Variants in SPATS2 observed in about 807,000 individuals in gnomAD.
The protein encoded by SPATS2 is spermatogenesis associated serine rich 2.
In SPATS2, 38 loss-of-function variants were observed where a neutral mutation model predicts 63.7. That is an observed-to-expected ratio of 0.60 (90% confidence interval 0.46 to 0.78). The LOEUF is 0.78. Among genes scored for constraint, SPATS2 ranks in the 30% least tolerant of loss-of-function variants. SPATS2 has a pLI of 0.00. For missense variants in SPATS2, 588 were observed against 666.2 expected (o/e 0.88, Z 1.29); for synonymous variants, 207 against 232.9 (o/e 0.89, Z 1.01).
chr12:49,386,835 T>G (rs758848258), intron 2 of SPATS2, among the ~76,000 whole-genome samples: 38 of 151,992 alleles, frequency 2.5e-4, no homozygotes, highest in Non-Finnish European at 5.3e-4. Flanking sequence ...ATTGATATTG[T>G]GAAAGCATGA....
At chr12:49,411,927 T>C (rs1054828634) in intron 2 of SPATS2, among the ~76,000 whole-genome samples, 1 of 152,154 alleles carries the variant, frequency 6.6e-6, no homozygotes, top group Non-Finnish European at 1.5e-5. Flanking sequence ...GAAAATCAAA[T>C]TCCATTTTTT....
chr12:49,509,150 G>A (rs1946702236), intron 9 of SPATS2, among the ~76,000 whole-genome samples: 1 of 151,826 alleles, frequency 6.6e-6, no homozygotes, highest in Admixed American at 6.6e-5. Context: ...TCATCATTGA[G>A]TCACATGATC....
chr12:49,385,535 C>G (rs1334080259), intron 2 of SPATS2, among the ~76,000 whole-genome samples: 2 of 152,082 alleles, frequency 1.3e-5, no homozygotes, highest in African/African-American at 2.4e-5. Flanking sequence ...TCTCCAATTC[C>G]TATTGATTTA....
At chr12:49,484,696 A>G (rs947802537) in intron 4 of SPATS2, 27 bp downstream of exon 4, 3 of 1,605,314 alleles carry the variant, frequency 1.9e-6, no homozygotes, top group Non-Finnish European at 8.5e-7. Flanking sequence ...TGGATAGTAA[A>G]CTTAAATGTC....
chr12:49,382,968 C>T (rs2137198596), intron 2 of SPATS2, among the ~76,000 whole-genome samples: 1 of 151,236 alleles, frequency 6.6e-6, no homozygotes, highest in Non-Finnish European at 1.5e-5. Context: ...GCCTTTCAAA[C>T]TGCTGGGATT....
At chr12:49,476,002 G>A (rs1946111125) in intron 3 of SPATS2, among the ~76,000 whole-genome samples, 1 of 152,232 alleles carries the variant, frequency 6.6e-6, no homozygotes, top group African/African-American at 2.4e-5. Flanking sequence ...GGGTGGAAGG[G>A]CATGGTCCCT....
At chr12:49,449,696 G>A (rs936599173) in intron 2 of SPATS2, among the ~76,000 whole-genome samples, 2 of 152,218 alleles carry the variant, frequency 1.3e-5, no homozygotes, top group African/African-American at 2.4e-5. Flanking sequence ...AAGCAGGCAA[G>A]AAAGTTTGTG....
intron 3 of SPATS2, among the ~76,000 whole-genome samples, chr12:49,482,114 G>A (rs1309929947): frequency 6.6e-6 from 1 of 152,220 alleles, no homozygotes; most frequent in Non-Finnish European, 1.5e-5. Flanking sequence ...AGTTTAAAAA[G>A]GCAGTATCAG....
chr12:49,487,493 A>T (rs76166698), intron 4 of SPATS2, among the ~76,000 whole-genome samples: 13,966 of 152,202 alleles, frequency 0.092, 756 homozygotes, highest in African/African-American at 0.14. Flanking sequence ...TCCAAAAAAT[A>T]AAAAAACGGT....
intron 2 of SPATS2, among the ~76,000 whole-genome samples, chr12:49,425,636 TTC>T (rs1418663243): frequency 6.7e-6 from 1 of 148,902 alleles, no homozygotes; most frequent in Non-Finnish European, 1.5e-5. Context: ...GTGTTAATAT[TTC>T]TGTCTTTTTT....
intron 2 of SPATS2, among the ~76,000 whole-genome samples, chr12:49,438,415 C>A (rs1319622951): frequency 6.6e-6 from 1 of 152,102 alleles, no homozygotes; most frequent in African/African-American, 2.4e-5. Flanking sequence ...TTATTTGTAG[C>A]CATATGTACT....
intron 2 of SPATS2, among the ~76,000 whole-genome samples, chr12:49,399,139 C>G (rs562455097): frequency 6.6e-6 from 1 of 151,930 alleles, no homozygotes; most frequent in African/African-American, 2.4e-5. Context: ...ATTTTTTTCT[C>G]AAAGAGCATA....
chr12:49,471,439 C>T (rs1043433951), intron 3 of SPATS2, among the ~76,000 whole-genome samples: 1 of 152,158 alleles, frequency 6.6e-6, no homozygotes, highest in Non-Finnish European at 1.5e-5. Context: ...TGAGCTCAAG[C>T]GATCATCCTG....
chr12:49,374,058 C>G (rs1944049135), intron 2 of SPATS2, among the ~76,000 whole-genome samples: 2 of 151,344 alleles, frequency 1.3e-5, no homozygotes, highest in South Asian at 4.2e-4. Context: ...TGCACTCCAA[C>G]CTAAACAACA....
intron 2 of SPATS2, among the ~76,000 whole-genome samples, chr12:49,455,093 TG>T (rs1945695897): frequency 6.6e-6 from 1 of 152,168 alleles, no homozygotes; most frequent in South Asian, 2.1e-4. Flanking sequence ...TTTTTGGTTT[TG>T]TTTTTTTAAT....
intron 11 of SPATS2, 74 bp from the exon 12 acceptor site, chr12:49,522,677 A>G (rs1946961171): frequency 1.7e-6 from 2 of 1,208,124 alleles, no homozygotes; most frequent in South Asian, 1.4e-5. Context: ...TGATTGTTTA[A>G]TCTGTATAGC....
intron 3 of SPATS2, chr12:49,462,495 T>TC (rs761309411): frequency 2.4e-5 from 17 of 698,496 alleles, no homozygotes; most frequent in South Asian, 2.1e-4. Context: ...GTGGGCCCTT[T>TC]CCCCCCGTGT....
chr12:49,513,879 G>T (rs139359448), intron 9 of SPATS2, among the ~76,000 whole-genome samples: 1 of 152,090 alleles, frequency 6.6e-6, no homozygotes, highest in Non-Finnish European at 1.5e-5. Flanking sequence ...AGTACAGGCC[G>T]GGCGCGGTGG....
At chr12:49,423,704 A>C (rs568773967) in intron 2 of SPATS2, among the ~76,000 whole-genome samples, 37 of 152,192 alleles carry the variant, frequency 2.4e-4, no homozygotes, top group Non-Finnish European at 4.7e-4. Flanking sequence ...GCTTTCAATC[A>C]ATGGATTTAA....
Sources: allele counts gnomAD v4.1 joint callset (sites outside exome capture counted in the v4.1 genomes callset), GRCh38; gene constraint gnomAD v4.1.1; transcripts MANE v1.5; gene names NCBI Gene and HGNC (gene_info 2026-07-23, HGNC 2026-07-21).